Variants in NKAIN3 observed in about 807,000 individuals in gnomAD.
NKAIN3 encodes the protein sodium/potassium-transporting ATPase subunit beta-1-interacting protein 3.
A neutral mutation model predicts 30.2 loss-of-function variants in NKAIN3; 25 were observed. The ratio of observed to expected loss-of-function variants is 0.83; its 90% confidence interval spans 0.60 to 1.16. The LOEUF (loss-of-function observed/expected upper bound fraction) is 1.16, where lower values mean the gene tolerates loss of function less well. Ranked by LOEUF, NKAIN3 falls within the 50% of genes most tolerant of loss-of-function variation. The pLI is 0.00. For missense variants in NKAIN3, 225 were observed against 254.1 expected (o/e 0.89, Z 0.78); for synonymous variants, 91 against 89.6 (o/e 1.02, Z -0.09).
chr8:62,586,470 A>G (rs993649146), intron 2 of NKAIN3, among the ~76,000 whole-genome samples: 1 of 152,136 alleles, frequency 6.6e-6, no homozygotes, highest in African/African-American at 2.4e-5. Flanking sequence ...TGAGATGTTC[A>G]TATGTCTTTT....
At chr8:62,713,197 G>C (rs7008492) in intron 3 of NKAIN3, among the ~76,000 whole-genome samples, 135,799 of 152,134 alleles carry the variant, frequency 0.89, 60,821 homozygotes, top group African/African-American at 0.94. Flanking sequence ...GTGCAGGGCT[G>C]CCACCAGGGT....
intron 3 of NKAIN3, among the ~76,000 whole-genome samples, chr8:62,647,982 C>T (rs1812515976): frequency 6.6e-6 from 1 of 151,940 alleles, no homozygotes; most frequent in South Asian, 2.1e-4. Flanking sequence ...GAGGTAATAT[C>T]GTCAAGGCCT....
rs564854295 is a variant in NKAIN3 at position 62,310,860 on chromosome 8, C to A, written c.54+61733C>A. Among the ~76,000 whole-genome samples, 29 of 150,320 alleles carry A rather than the reference C, an allele frequency of 1.9e-4. 1 individual carries two copies. Among genetic ancestry groups the A allele is most frequent in the African/African-American group, 6.8e-4 (27 of 39,746 alleles). On this transcript the variant is annotated intron_variant, in intron 1 of 6. Transcript: ENST00000623646. The stretch of plus-strand genomic sequence containing the variant: ...GAGGCTGAGAGTACATGTGGGTGGA[C>A]AAGGATGACACTAGTATCACTCCAA...
intron 5 of NKAIN3, among the ~76,000 whole-genome samples, chr8:62,944,863 A>G (rs1823077013): frequency 6.6e-6 from 1 of 152,210 alleles, no homozygotes; most frequent in Admixed American, 6.5e-5. Flanking sequence ...ATGGATGAAT[A>G]TTAGTTATTG....
At chr8:62,657,103 A>G (rs1265827704) in intron 3 of NKAIN3, among the ~76,000 whole-genome samples, 1 of 152,174 alleles carries the variant, frequency 6.6e-6, no homozygotes, top group East Asian at 1.9e-4. Flanking sequence ...CAGTATTTAA[A>G]CATTTCAATT....
At chr8:62,668,553 C>T (rs1311251061) in intron 3 of NKAIN3, among the ~76,000 whole-genome samples, 1 of 152,126 alleles carries the variant, frequency 6.6e-6, no homozygotes, top group African/African-American at 2.4e-5. Flanking sequence ...CTAAATGATA[C>T]GTTTCGTAAG....
intron 1 of NKAIN3, among the ~76,000 whole-genome samples, chr8:62,365,227 G>A (rs1382744139): frequency 6.6e-6 from 1 of 152,090 alleles, no homozygotes; most frequent in African/African-American, 2.4e-5. Flanking sequence ...AAAGTATAGA[G>A]CAAATATCCC....
chr8:62,610,347 G>GAA (rs33941316), intron 3 of NKAIN3, among the ~76,000 whole-genome samples: 10 of 135,446 alleles, frequency 7.4e-5, no homozygotes, highest in South Asian at 2.4e-4. Context: ...CTCCGTCTCA[G>GAA]AAAAAAAAAA....
intron 4 of NKAIN3, among the ~76,000 whole-genome samples, chr8:62,815,022 A>G (rs1818629387): frequency 1.3e-5 from 2 of 152,154 alleles, no homozygotes; most frequent in Non-Finnish European, 2.9e-5. Flanking sequence ...TGCAATAAAA[A>G]ATGATAAAGG....
At chr8:62,862,171 C>G (rs1051123162) in intron 4 of NKAIN3, among the ~76,000 whole-genome samples, 3 of 152,014 alleles carry the variant, frequency 2.0e-5, no homozygotes, top group African/African-American at 7.2e-5. Context: ...GCAGTAAAAA[C>G]ATTATTTGGC....
At chr8:62,466,828 T>G (rs764408626) in intron 1 of NKAIN3, among the ~76,000 whole-genome samples, 1 of 152,176 alleles carries the variant, frequency 6.6e-6, no homozygotes, top group Non-Finnish European at 1.5e-5. Context: ...TTTTATGTTA[T>G]TAGCAATCAC....
intron 1 of NKAIN3, among the ~76,000 whole-genome samples, chr8:62,545,044 G>A (rs1489122827): frequency 6.6e-6 from 1 of 152,116 alleles, no homozygotes; most frequent in Non-Finnish European, 1.5e-5. Flanking sequence ...AAGAAGAGGA[G>A]GAGTTGGTCT....
intron 3 of NKAIN3, among the ~76,000 whole-genome samples, chr8:62,648,200 A>G (rs575478395): frequency 1.3e-5 from 2 of 152,144 alleles, no homozygotes; most frequent in Non-Finnish European, 2.9e-5. Context: ...TATGTCCTGT[A>G]AGACATGGAT....
At chr8:62,578,173 T>A (rs1810176052) in intron 1 of NKAIN3, among the ~76,000 whole-genome samples, 1 of 152,010 alleles carries the variant, frequency 6.6e-6, no homozygotes, top group Non-Finnish European at 1.5e-5. Context: ...ATACAGCAGG[T>A]GATATTGTAA....
intron 3 of NKAIN3, among the ~76,000 whole-genome samples, chr8:62,604,290 G>T (rs1347403776): frequency 6.6e-5 from 10 of 152,122 alleles, no homozygotes; most frequent in Non-Finnish European, 1.5e-5. Context: ...AGCTAGAATC[G>T]CCTTTGCCCT....
intron 3 of NKAIN3, among the ~76,000 whole-genome samples, chr8:62,627,514 G>A (rs1187896464): frequency 6.6e-6 from 1 of 152,042 alleles, no homozygotes; most frequent in Non-Finnish European, 1.5e-5. Context: ...CTGGAGCTGG[G>A]ATGGGAAAGG....
intron 4 of NKAIN3, among the ~76,000 whole-genome samples, chr8:62,900,800 A>C (rs560706774): frequency 6.6e-6 from 1 of 152,326 alleles, no homozygotes; most frequent in South Asian, 2.1e-4. Flanking sequence ...CTCTAATAGT[A>C]GTGGCAAAGG....
intron 3 of NKAIN3, among the ~76,000 whole-genome samples, chr8:62,677,231 T>C (rs899718784): frequency 6.6e-6 from 1 of 152,162 alleles, no homozygotes; most frequent in East Asian, 1.9e-4. Context: ...AGCGGTGATA[T>C]ATCAGGTTGG....
At chr8:62,960,098 G>GT (rs1823528862) in intron 6 of NKAIN3, among the ~76,000 whole-genome samples, 1 of 152,234 alleles carries the variant, frequency 6.6e-6, no homozygotes, top group African/African-American at 2.4e-5. Context: ...CTATGTAGCA[G>GT]TGAAATGGCT....
Sources: allele counts gnomAD v4.1 joint callset (sites outside exome capture counted in the v4.1 genomes callset), GRCh38; gene constraint gnomAD v4.1.1; transcripts MANE v1.5; gene names NCBI Gene and HGNC (gene_info 2026-07-23, HGNC 2026-07-21).